The following ME2 variants were observed in gnomAD, a reference collection of about 807,000 sequenced individuals.
The protein encoded by ME2 is malic enzyme 2, also known as NAD-dependent malic enzyme, mitochondrial.
Under a neutral mutation model 73.7 loss-of-function variants are expected in ME2, and 60 were observed. That is an observed-to-expected ratio of 0.81 (90% CI 0.66 to 1.01). The LOEUF is 1.01. Among genes scored for constraint, ME2 ranks in the 50% least tolerant of loss-of-function variants. ME2 has a pLI of 0.00. For missense variants in ME2, 594 were observed against 705.5 expected (o/e 0.84, Z 1.79); for synonymous variants, 199 against 236.9 (o/e 0.84, Z 1.47).
chr18:50,893,710 A>AT, intron 1 of ME2, among the ~76,000 whole-genome samples: 1 of 152,302 alleles, frequency 6.6e-6, no homozygotes, highest in Non-Finnish European at 1.5e-5. Context: ...AAATTAAATC[A>AT]TTTTTTTAAC....
At chr18:50,902,043 A>T (rs191105602) in intron 2 of ME2, among the ~76,000 whole-genome samples, 2 of 152,332 alleles carry the variant, frequency 1.3e-5, no homozygotes, top group East Asian at 3.9e-4. Flanking sequence ...GCCAAATTCA[A>T]ATATCCTAAT....
chr18:50,942,639 CT>C (rs1231953586), intron 15 of ME2: 1 of 272,052 alleles, frequency 3.7e-6, no homozygotes, highest in Non-Finnish European at 6.8e-6. Flanking sequence ...GGCATTTTTA[CT>C]TTTTTCTAAA....
intron 1 of ME2, among the ~76,000 whole-genome samples, chr18:50,892,933 G>A (rs1282811364): frequency 6.6e-6 from 1 of 151,926 alleles, no homozygotes; most frequent in Non-Finnish European, 1.5e-5. Flanking sequence ...AGACCAGCCT[G>A]GCCAACATGG....
At chr18:50,880,356 AC>A (rs994152015) in intron 1 of ME2, among the ~76,000 whole-genome samples, 10 of 151,836 alleles carry the variant, frequency 6.6e-5, no homozygotes, top group African/African-American at 1.9e-4. Flanking sequence ...TGCATCCTCC[AC>A]CCCCACTCCC....
chr18:50,927,810 ATTTTTTTTT>A (rs545334028), intron 12 of ME2, among the ~76,000 whole-genome samples: 4 of 73,092 alleles, frequency 5.5e-5, no homozygotes, highest in Admixed American at 2.0e-4. Flanking sequence ...TTGTCATTTA[ATTTTTTTTT>A]TTTTTTTTTT....
chr18:50,916,045 A>C, intron 4 of ME2, 123 bp from the exon 5 acceptor site: 1 of 681,632 alleles, frequency 1.5e-6, no homozygotes, highest in East Asian at 2.8e-5. Context: ...GACTTAGCTA[A>C]ATCTGCTTGG....
At chr18:50,902,372 A>C (rs1345987629) in intron 2 of ME2, among the ~76,000 whole-genome samples, 1 of 152,246 alleles carries the variant, frequency 6.6e-6, no homozygotes, top group Non-Finnish European at 1.5e-5. Context: ...GACTAATAAA[A>C]GATTTAAAAA....
Position 50,949,780 on chromosome 18 carries a change from T to A in ME2, c.*2596T>A, listed in dbSNP as rs559895967. On this transcript the variant is annotated 3_prime_UTR_variant, in exon 16 of 16. Coordinates refer to ENST00000321341, the MANE Select transcript of ME2 (RefSeq NM_002396.5). ...ATATAGCCTGCTTAAATAAAATAAT[T>A]CTATTTTTTTAAAAAGCTCCCAATT... is the stretch of plus-strand genomic sequence containing the variant. 6 of 152,314 alleles carry A rather than the reference T, an allele frequency of 3.9e-5. No individual in the cohort carries two copies. The East Asian group carries it at 9.6e-4, about 24-fold the overall frequency. 9.4% of individuals were successfully genotyped at this position (152,314 alleles called of 1,614,324 possible).
At chr18:50,894,934 A>G (rs1916699895) in intron 1 of ME2, among the ~76,000 whole-genome samples, 1 of 151,338 alleles carries the variant, frequency 6.6e-6, no homozygotes, top group African/African-American at 2.4e-5. Context: ...TAAAATGGTT[A>G]CTTTTATGAT....
intron 1 of ME2, among the ~76,000 whole-genome samples, chr18:50,892,126 T>G (rs564822494): frequency 1.3e-5 from 2 of 152,264 alleles, no homozygotes; most frequent in South Asian, 4.1e-4. Context: ...CGGCCTGGAC[T>G]TGTAATTCTT....
chr18:50,884,146 T>C (rs1916398121), intron 1 of ME2, among the ~76,000 whole-genome samples: 2 of 152,174 alleles, frequency 1.3e-5, no homozygotes, highest in South Asian at 2.1e-4. Context: ...TTATGCCTAC[T>C]AAAGACACTA....
chr18:50,905,414 T>G (rs1384189095), intron 2 of ME2, among the ~76,000 whole-genome samples: 2 of 152,242 alleles, frequency 1.3e-5, no homozygotes, highest in Non-Finnish European at 2.9e-5. Flanking sequence ...AATTTTTCAT[T>G]TTCATTTATT....
chr18:50,920,977 C>T, intron 9 of ME2, 97 bp from the exon 10 acceptor site: 1 of 714,758 alleles, frequency 1.4e-6, no homozygotes, highest in Non-Finnish European at 2.2e-6. Flanking sequence ...GAAAAATAAA[C>T]CAAATATTTC....
At chr18:50,890,111 CA>C (rs900893132) in intron 1 of ME2, among the ~76,000 whole-genome samples, 7 of 149,196 alleles carry the variant, frequency 4.7e-5, no homozygotes, top group Admixed American at 6.7e-5. Flanking sequence ...CCCCATTTTC[CA>C]AAAAAAAATC....
intron 7 of ME2, 22 bp downstream of exon 7, chr18:50,918,235 A>G: frequency 6.5e-7 from 1 of 1,531,720 alleles, no homozygotes. Context: ...AAGTTTGAGT[A>G]TATGAAAGCA....
chr18:50,907,980 G>A, intron 2 of ME2, 83 bp from the exon 3 acceptor site: 1 of 1,057,788 alleles, frequency 9.5e-7, no homozygotes, highest in Non-Finnish European at 1.3e-6. Context: ...TTTCAAATTT[G>A]CATTTAAATT....
At chr18:50,921,246 T>A (rs1327479723) in intron 10 of ME2, 59 bp downstream of exon 10, 13 of 827,982 alleles carry the variant, frequency 1.6e-5, no homozygotes, top group Non-Finnish European at 2.2e-5. Flanking sequence ...GTTGGATTTT[T>A]AAAATATTAT....
chr18:50,886,949 T>C (rs1790498), intron 1 of ME2, among the ~76,000 whole-genome samples: 51,608 of 151,820 alleles, frequency 0.34, 8,943 homozygotes, highest in Non-Finnish European at 0.38. Flanking sequence ...TGCAGTGAGC[T>C]GAGATCGTGC....
chr18:50,894,567 CAA>C (rs34435967), intron 1 of ME2, among the ~76,000 whole-genome samples: 8 of 142,790 alleles, frequency 5.6e-5, no homozygotes, highest in South Asian at 2.3e-4. Context: ...GACTCCATCT[CAA>C]AAAAAAAAAT....
Sources: allele counts gnomAD v4.1 joint callset (sites outside exome capture counted in the v4.1 genomes callset), GRCh38; gene constraint gnomAD v4.1.1; transcripts MANE v1.5; gene names NCBI Gene and HGNC (gene_info 2026-07-23, HGNC 2026-07-21).